NFIC: variants seen among roughly 807,000 people sequenced by gnomAD.
NFIC encodes nuclear factor I C, also known as nuclear factor 1 C-type.
NFIC carries 12 observed loss-of-function variants against 54.4 expected under a neutral mutation model. The observed-to-expected ratio is 0.22, with a 90% CI of 0.14 to 0.36. The LOEUF (loss-of-function observed/expected upper bound fraction) is 0.36, where lower values mean the gene tolerates loss of function less well. NFIC is among the 10% of genes least tolerant of loss of function. NFIC has a pLI of 1.00. For synonymous variants in NFIC, 322 were observed against 319.2 expected (o/e 1.01, Z -0.09); for missense variants, 575 against 718.2 (o/e 0.80, Z 2.28).
At chr19:3,461,249 C>T (rs536442483) in intron 10 of NFIC, among the ~76,000 whole-genome samples, 8 of 148,512 alleles carry the variant, frequency 5.4e-5, no homozygotes, top group African/African-American at 1.3e-4. Context: ...GGCGAAACCC[C>T]ACCTCTACAA....
chr19:3,398,632 G>A (rs938864364), intron 2 of NFIC, among the ~76,000 whole-genome samples: 17 of 152,130 alleles, frequency 1.1e-4, no homozygotes, highest in Non-Finnish European at 2.4e-4. Flanking sequence ...AGAGGCCCTC[G>A]GACCCGGGCT....
At chr19:3,383,735 C>T (rs113544241) in intron 2 of NFIC, among the ~76,000 whole-genome samples, 1,943 of 152,272 alleles carry the variant, frequency 0.013, 37 homozygotes, top group African/African-American at 0.044. Context: ...GTACGCCAGA[C>T]GCAGACCCAC....
intron 1 of NFIC, among the ~76,000 whole-genome samples, chr19:3,367,481 C>A (rs973532790): frequency 4.6e-5 from 7 of 152,062 alleles, no homozygotes; most frequent in Non-Finnish European, 7.4e-5. Flanking sequence ...GTCCCCTCCC[C>A]CTCCCCCTCC....
At chr19:3,435,467 G>T (rs2082186521) in intron 6 of NFIC, among the ~76,000 whole-genome samples, 1 of 152,240 alleles carries the variant, frequency 6.6e-6, no homozygotes, top group African/African-American at 2.4e-5. Flanking sequence ...CCCTCCGGCC[G>T]TGAATGCCAC....
Position 3,459,235 on chromosome 19 carries a change from C to T in NFIC, c.1509+2600C>T, listed in dbSNP as rs771231256. The stretch of plus-strand genomic sequence containing the variant: ...CTGCCTCTCCGGCTCCCGACACCCC[C>T]CAGTCCATGGACTCTCCCCCCATCA... On this transcript the variant is annotated intron_variant, in intron 10 of 10. Coordinates refer to ENST00000443272, the MANE Select transcript of NFIC (RefSeq NM_001245002.2). The surrounding 1 kb of genome is among the most constrained non-coding windows in gnomAD (Gnocchi z 4.2). Among the ~76,000 whole-genome samples, 2 of 151,480 alleles carry T rather than the reference C, an allele frequency of 1.3e-5. No homozygotes were observed. The highest frequency in any genetic ancestry group is 2.9e-5 in the Non-Finnish European group (2 of 67,806).
chr19:3,382,927 G>A (rs2081237026), intron 2 of NFIC, among the ~76,000 whole-genome samples: 1 of 151,886 alleles, frequency 6.6e-6, no homozygotes, highest in Admixed American at 6.6e-5. Flanking sequence ...GTGAGAGATG[G>A]TACAAGGAGG....
At chr19:3,424,598 A>G (rs1283446637) in intron 2 of NFIC, among the ~76,000 whole-genome samples, 1 of 147,144 alleles carries the variant, frequency 6.8e-6, no homozygotes, top group African/African-American at 2.5e-5. Context: ...TCTGGTCTCA[A>G]ACTCCTGACC....
At chr19:3,385,052 C>T (rs1272451771) in intron 2 of NFIC, among the ~76,000 whole-genome samples, 1 of 140,536 alleles carries the variant, frequency 7.1e-6, no homozygotes, top group Non-Finnish European at 1.5e-5. Context: ...GCTCAGCAGG[C>T]AGGCCTGTGC....
intron 2 of NFIC, among the ~76,000 whole-genome samples, chr19:3,420,556 AAAATAAAT>A (rs374927099): frequency 2.8e-5 from 4 of 142,680 alleles, no homozygotes; most frequent in African/African-American, 7.8e-5. Context: ...CCATCTCAAA[AAAATAAAT>A]AAATAAATAA....
intron 3 of NFIC, among the ~76,000 whole-genome samples, chr19:3,433,272 C>T (rs1050868006): frequency 2.0e-5 from 3 of 152,230 alleles, no homozygotes; most frequent in Admixed American, 6.5e-5. Flanking sequence ...GCCTGCTGTT[C>T]ACTTGAATGC....
chr19:3,359,782 C>CG, intron 1 of NFIC: 1 of 1,224,760 alleles, frequency 8.2e-7, no homozygotes, highest in South Asian at 2.1e-5. Context: ...GGACAGGGGG[C>CG]GGGGGCCGCC....
intron 2 of NFIC, among the ~76,000 whole-genome samples, chr19:3,420,786 G>C (rs1239382174): frequency 6.6e-6 from 1 of 151,618 alleles, no homozygotes; most frequent in Admixed American, 6.6e-5. Flanking sequence ...CAATTGGCCC[G>C]ATCTGGGCTC....
rs1599742503 is a variant in NFIC at position 3,466,322 on chromosome 19, G to A, written c.*3553G>A. On this transcript the variant is annotated 3_prime_UTR_variant, in exon 11 of 11. Coordinates refer to ENST00000443272, the MANE Select transcript of NFIC (RefSeq NM_001245002.2). The surrounding 1 kb of genome is among the most constrained non-coding windows in gnomAD (Gnocchi z 4.8). ...AGCCAGATGGTTAGTGGGGCAGCCA[G>A]GCAGGGAGGACCCAGGGCTGGGATT... 6.6e-6 allele frequency: 1 copy of A among 152,000 alleles called. No individual in the cohort carries two copies. Among genetic ancestry groups the A allele is most frequent in the East Asian group, 1.9e-4 (1 of 5,172 alleles). The allele number at this position is 152,000 out of a possible 1,614,324, so 9.4% of individuals were successfully genotyped here.
chr19:3,462,999 A>T lies in NFIC; in HGVS notation c.*230A>T. 1 of 1,408,932 alleles carries T rather than the reference A, an allele frequency of 7.1e-7. No homozygotes were observed. The highest frequency in any genetic ancestry group is 1.6e-5 in the South Asian group (1 of 62,556). The allele number at this position is 1,408,932 out of a possible 1,614,324, so 87.3% of individuals were successfully genotyped here. A position where few individuals can be genotyped will look rare whatever the true frequency, so the allele number is the denominator to read the frequency against. On this transcript the variant is annotated 3_prime_UTR_variant, in exon 11 of 11. Coordinates refer to ENST00000443272, the MANE Select transcript of NFIC (RefSeq NM_001245002.2). Reference sequence around the variant, plus strand: ...GAAATAAAAACCCACCCAAGCAAGAAGACAAAAGGTAAAGACGCAACGTTT... The same window carrying T: ...GAAATAAAAACCCACCCAAGCAAGATGACAAAAGGTAAAGACGCAACGTTT...
intron 2 of NFIC, among the ~76,000 whole-genome samples, chr19:3,408,777 T>G (rs2081699432): frequency 6.6e-6 from 1 of 152,162 alleles, no homozygotes; most frequent in Non-Finnish European, 1.5e-5. Context: ...AATTTTTGTA[T>G]TTTTAGTAGA....
At chr19:3,415,651 G>A (rs2145578700) in intron 2 of NFIC, among the ~76,000 whole-genome samples, 1 of 152,096 alleles carries the variant, frequency 6.6e-6, no homozygotes, top group East Asian at 1.9e-4. Flanking sequence ...CTGCAAACTT[G>A]TTATTTAAGC....
intron 6 of NFIC, among the ~76,000 whole-genome samples, chr19:3,437,397 C>T (rs1315053470): frequency 2.0e-5 from 3 of 151,700 alleles, no homozygotes; most frequent in African/African-American, 2.4e-5. Context: ...TGTCTCTTTC[C>T]GGCACTCGGA....
In NFIC at chr19:3,453,960, A is replaced by AG. The variant is rs1036687371; in HGVS notation, c.1423+50dup. On this transcript the variant is annotated intron_variant, in intron 9 of 10. Transcript: ENST00000443272. The surrounding 1 kb of genome is among the most constrained non-coding windows in gnomAD (Gnocchi z 6.7). The stretch of plus-strand genomic sequence containing the variant: ...GTGCCCTGGTGGGGCGGATGTCCGC[A>AG]GGGGGGCCTGTCCCCTCCCCAGCCC... 4.1e-6 allele frequency: 6 copies of AG among 1,472,466 alleles called. No individual in the cohort carries two copies. The highest frequency in any genetic ancestry group is 2.5e-5 in the Admixed American group (1 of 39,410). The allele number at this position is 1,472,466 out of a possible 1,614,324, so 91.2% of individuals were successfully genotyped here.
At chr19:3,359,772 G>A (rs2080785956) in intron 1 of NFIC, 6 of 1,311,696 alleles carry the variant, frequency 4.6e-6, no homozygotes, top group Non-Finnish European at 5.9e-6. Context: ...AGATCTGGGG[G>A]GACAGGGGGC....
Sources: allele counts gnomAD v4.1 joint callset (sites outside exome capture counted in the v4.1 genomes callset), GRCh38; gene constraint gnomAD v4.1.1; non-coding constraint Gnocchi (gnomAD v3.1); transcripts MANE v1.5; gene names NCBI Gene and HGNC (gene_info 2026-07-23, HGNC 2026-07-21).